MAP7D3: variants seen among roughly 807,000 people sequenced by gnomAD.
MAP7D3 encodes the protein MAP7 domain-containing protein 3.
Under a neutral mutation model 62.2 loss-of-function variants are expected in MAP7D3, and 45 were observed. That is an observed-to-expected ratio of 0.72 (90% confidence interval 0.57 to 0.93). MAP7D3 has a LOEUF of 0.93. MAP7D3 is among the 40% of genes least tolerant of loss of function. The pLI is 0.00. For synonymous variants in MAP7D3, 288 were observed against 248.8 expected (o/e 1.16, Z -1.48); for missense variants, 711 against 683.1 (o/e 1.04, Z -0.45).
At chrX:136,245,950 C>T (rs1477416046) in intron 3 of MAP7D3, 115 bp downstream of exon 3, 1 of 434,648 alleles carries the variant, frequency 2.3e-6, no homozygotes, top group East Asian at 4.1e-5. Flanking sequence ...CAAAATAATA[C>T]ATAATATAAA....
chrX:136,243,563 C>A (rs1464581232), intron 4 of MAP7D3, among the ~76,000 whole-genome samples: 1 of 110,983 alleles, frequency 9.0e-6, no homozygotes, highest in African/African-American at 3.3e-5. Context: ...ATTAGCCAGG[C>A]GTGGCGGTAG....
At chrX:136,256,347 C>T, upstream of MAP7D3, 1 of 1,154,442 alleles carries the variant, frequency 8.7e-7, no homozygotes, top group Non-Finnish European at 1.1e-6. Context: ...GCAGCCTTCT[C>T]AGCTCTGGAA....
At position 136,224,806 on chromosome X, in the gene MAP7D3, TG is replaced by T; in HGVS notation, c.2193+20del. The stretch of plus-strand genomic sequence containing the variant: ...AACAAGAGGCATTCTTATACACTGC[TG>T]GTAGGAGTATGGAGACTACCTTTGA... On this transcript the variant is annotated intron_variant, in intron 14 of 18. Coordinates refer to ENST00000316077, the MANE Select transcript of MAP7D3 (RefSeq NM_024597.4). 2 of 1,121,117 alleles carry T rather than the reference TG, an allele frequency of 1.8e-6. No individual in the cohort carries two copies. The highest frequency in any genetic ancestry group is 2.5e-6 in the Non-Finnish European group (2 of 814,446). 92.4% of individuals were successfully genotyped at this position (1,121,117 alleles called of 1,213,427 possible). A position where few individuals can be genotyped will look rare whatever the true frequency, so the allele number is the denominator to read the frequency against.
At chrX:136,227,965 A>C (rs201967284) in intron 11 of MAP7D3, among the ~76,000 whole-genome samples, 1 of 112,247 alleles carries the variant, frequency 8.9e-6, no homozygotes, top group Non-Finnish European at 1.9e-5. Flanking sequence ...ATGTGTGATT[A>C]TTTCAAATAA....
intron 6 of MAP7D3, among the ~76,000 whole-genome samples, chrX:136,236,654 T>C (rs949906265): frequency 8.9e-6 from 1 of 112,099 alleles, no homozygotes. Context: ...ACACTTTAGT[T>C]ATAACTAGTA....
intron 10 of MAP7D3, among the ~76,000 whole-genome samples, chrX:136,229,407 C>G (rs2074235731): frequency 9.0e-6 from 1 of 111,366 alleles, no homozygotes. Flanking sequence ...AAGATTGTTT[C>G]TGTTACAAAA....
upstream of MAP7D3, among the ~76,000 whole-genome samples, chrX:136,251,805 G>A (rs910798474): frequency 1.8e-5 from 2 of 111,446 alleles, no homozygotes; most frequent in African/African-American, 3.3e-5. Context: ...CACAAAGAAA[G>A]ACCCAAGTTG....
chrX:136,237,874 C>A (rs752203319), intron 6 of MAP7D3, among the ~76,000 whole-genome samples: 1 of 108,145 alleles, frequency 9.2e-6, no homozygotes, highest in Non-Finnish European at 1.9e-5. Context: ...ATCCCTCCCC[C>A]CTCCCCACAC....
intron 13 of MAP7D3, 119 bp downstream of exon 13, chrX:136,225,790 G>T: frequency 2.1e-6 from 1 of 475,487 alleles, no homozygotes; most frequent in Non-Finnish European, 3.5e-6. Flanking sequence ...AGAATCGAGT[G>T]GGAAAACCAC....
chrX:136,236,398 T>C (rs1451764939), intron 6 of MAP7D3, 59 bp from the exon 7 acceptor site: 31 of 647,868 alleles, frequency 4.8e-5, no homozygotes. Flanking sequence ...ATCTCAGGAG[T>C]GAGATACTCC....
At chrX:136,252,560 C>T (rs1334675891), upstream of MAP7D3, among the ~76,000 whole-genome samples, 1 of 102,790 alleles carries the variant, frequency 9.7e-6, no homozygotes, top group African/African-American at 3.5e-5. Flanking sequence ...GCCTGTAATC[C>T]CAGCTACTTG....
intron 10 of MAP7D3, among the ~76,000 whole-genome samples, chrX:136,229,263 C>T (rs180976628): frequency 9.0e-6 from 1 of 111,231 alleles, no homozygotes; most frequent in East Asian, 2.8e-4. Context: ...GATAACAAAA[C>T]CAAGACTATC....
At chrX:136,227,183 G>T in intron 12 of MAP7D3, 101 bp downstream of exon 12, 2 of 672,019 alleles carry the variant, frequency 3.0e-6, no homozygotes, top group Non-Finnish European at 4.5e-6. Context: ...CAGAGAATCT[G>T]CTCATGTCTT....
Position 136,228,239 on chromosome X carries a change from T to C in MAP7D3, c.1886+384A>G, listed in dbSNP as rs765615321. On this transcript the variant is annotated intron_variant, in intron 11 of 18. Transcript: ENST00000316077. ...AACATGAGTAAGTATAATTTTCAGG[T>C]TTAAAAATCCTGATGTTACAAGTCT... is the stretch of plus-strand genomic sequence containing the variant. Among the ~76,000 whole-genome samples the C allele has an allele frequency of 5.4e-5, 6 of 111,865 alleles. No individual in the cohort carries two copies. In the East Asian group the frequency reaches 1.7e-3, roughly 31 times the overall value.
Position 136,225,890 on chromosome X carries a change from C to G in MAP7D3, c.2139+19G>C, listed in dbSNP as rs1167628531. ...GTTTTAAACACAGAATCAAGTCCCC[C>G]CAAACAGAGAGCGAGTACCTTTTTC... On this transcript the variant is annotated intron_variant, in intron 13 of 18. Transcript: ENST00000316077. The G allele has an allele frequency of 6.6e-6, 7 of 1,057,294 alleles. No homozygotes were observed. The highest frequency in any genetic ancestry group is 9.1e-6 in the Non-Finnish European group (7 of 765,550). 87.1% of individuals were successfully genotyped at this position (1,057,294 alleles called of 1,213,427 possible).
chrX:136,253,185 T>C (rs1158708233), upstream of MAP7D3, among the ~76,000 whole-genome samples: 2 of 112,493 alleles, frequency 1.8e-5, no homozygotes, highest in East Asian at 2.8e-4. Flanking sequence ...AGACCAATGC[T>C]TTGCATGATA....
At chrX:136,251,195 G>A in intron 1 of MAP7D3, 94 bp downstream of exon 1, 1 of 769,706 alleles carries the variant, frequency 1.3e-6, no homozygotes, top group Non-Finnish European at 1.8e-6. Context: ...AAGTTTTGTG[G>A]CGCCCGCTGC....
At chrX:136,254,853 A>T (rs960646950), upstream of MAP7D3, among the ~76,000 whole-genome samples, 1 of 111,813 alleles carries the variant, frequency 8.9e-6, no homozygotes. Flanking sequence ...TTAATGTAAA[A>T]TCTATTTTTA....
chrX:136,240,566 T>G, intron 5 of MAP7D3, 80 bp from the exon 6 acceptor site: 1 of 657,122 alleles, frequency 1.5e-6, no homozygotes, highest in African/African-American at 2.1e-5. Flanking sequence ...TGAGTTTTCA[T>G]GATATAGTTC....
Sources: allele counts gnomAD v4.1 joint callset (sites outside exome capture counted in the v4.1 genomes callset), GRCh38; gene constraint gnomAD v4.1.1; transcripts MANE v1.5; gene names NCBI Gene and HGNC (gene_info 2026-07-23, HGNC 2026-07-21).